Variants in SOAT1 observed in about 807,000 individuals in gnomAD.
SOAT1 encodes the protein acyl-coenzyme A:cholesterol acyltransferase 1.
Under a neutral mutation model 69.5 loss-of-function variants are expected in SOAT1, and 55 were observed. The ratio of observed to expected loss-of-function variants is 0.79; its 90% CI spans 0.64 to 0.99. The LOEUF (loss-of-function observed/expected upper bound fraction) is 0.99. Ranked by LOEUF, SOAT1 falls within the 50% of genes least tolerant of loss-of-function variation. SOAT1 has a pLI of 0.00. For synonymous variants in SOAT1, 231 were observed against 224.7 expected (o/e 1.03, Z -0.25); for missense variants, 580 against 669.3 (o/e 0.87, Z 1.47).
intron 2 of SOAT1, among the ~76,000 whole-genome samples, chr1:179,318,686 G>A (rs1389569133): frequency 6.6e-6 from 1 of 152,056 alleles, no homozygotes; most frequent in African/African-American, 2.4e-5. Context: ...TGTCTATTCT[G>A]GACATTGTCA....
chr1:179,331,566 C>T (rs999063398), intron 3 of SOAT1, among the ~76,000 whole-genome samples: 10 of 152,132 alleles, frequency 6.6e-5, no homozygotes, highest in East Asian at 5.8e-4. Flanking sequence ...TGTGAAACCC[C>T]GTCTCTACTA....
chr1:179,312,825 G>A (rs1665265255), intron 2 of SOAT1, among the ~76,000 whole-genome samples: 1 of 152,192 alleles, frequency 6.6e-6, no homozygotes, highest in African/African-American at 2.4e-5. Context: ...GATGGTAACA[G>A]CTTTCCTGAT....
At chr1:179,305,335 C>T (rs1664965751) in intron 2 of SOAT1, among the ~76,000 whole-genome samples, 1 of 152,132 alleles carries the variant, frequency 6.6e-6, no homozygotes, top group Non-Finnish European at 1.5e-5. Flanking sequence ...ATAGCACATG[C>T]AGCCTCGATC....
intron 1 of SOAT1, chr1:179,294,300 A>C (rs1484829846): frequency 6.6e-6 from 1 of 152,194 alleles, no homozygotes; most frequent in Non-Finnish European, 1.5e-5. Flanking sequence ...ATTTAGAGAA[A>C]ATGTGTGAAG....
chr1:179,297,200 T>TA (rs1431394897), intron 1 of SOAT1, among the ~76,000 whole-genome samples: 1 of 152,252 alleles, frequency 6.6e-6, no homozygotes, highest in Admixed American at 6.5e-5. Flanking sequence ...AGACTAGTCT[T>TA]ATGATCACTG....
chr1:179,348,268 A>G (rs1571457318), intron 12 of SOAT1, among the ~76,000 whole-genome samples: 1 of 152,294 alleles, frequency 6.6e-6, no homozygotes, highest in South Asian at 2.1e-4. Flanking sequence ...CTCCAAGTCT[A>G]CCACCTTTTT....
intron 2 of SOAT1, among the ~76,000 whole-genome samples, chr1:179,313,257 GC>G (rs1187554174): frequency 6.6e-6 from 1 of 152,118 alleles, no homozygotes; most frequent in Non-Finnish European, 1.5e-5. Flanking sequence ...AGACTATACT[GC>G]CCATTACGGA....
chr1:179,334,040 A>G (rs1448558097), intron 3 of SOAT1, among the ~76,000 whole-genome samples: 1 of 152,232 alleles, frequency 6.6e-6, no homozygotes, highest in African/African-American at 2.4e-5. Context: ...GACCCTGGGC[A>G]GTCTATTCTT....
At chr1:179,345,174 T>A in intron 11 of SOAT1, 98 bp downstream of exon 11, 1 of 1,163,184 alleles carries the variant, frequency 8.6e-7, no homozygotes, top group Non-Finnish European at 1.3e-6. Flanking sequence ...CTTTTTCATC[T>A]AAACTTCTAT....
chr1:179,342,986 G>A, intron 9 of SOAT1, 43 bp downstream of exon 9: 1 of 1,468,228 alleles, frequency 6.8e-7, no homozygotes, highest in Non-Finnish European at 9.5e-7. Flanking sequence ...CACCAAAAGT[G>A]TGGCATGAGT....
rs768544773 is a variant in SOAT1 at position 179,302,805 on chromosome 1, G to A, written c.118+3G>A. On this transcript the variant is annotated splice_donor_region_variant and intron_variant, in intron 2 of 15. Coordinates refer to ENST00000367619, the MANE Select transcript of SOAT1 (RefSeq NM_003101.6). ...GTCCCTAGAGACACCTAGTAATGGT[G>A]AGGCTTAATTTTTTTTTTTTAGGTG... 6 of 1,542,040 alleles carry A rather than the reference G, an allele frequency of 3.9e-6. 1 individual carries two copies. In the Admixed American group the frequency reaches 1.1e-4, roughly 28 times the overall value.
chr1:179,315,059 CA>C (rs776932919), intron 2 of SOAT1, among the ~76,000 whole-genome samples: 2 of 152,184 alleles, frequency 1.3e-5, no homozygotes, highest in Non-Finnish European at 2.9e-5. Context: ...TCCGAAATTA[CA>C]TCACCCTCAG....
At chr1:179,296,901 A>T (rs1413399395) in intron 1 of SOAT1, among the ~76,000 whole-genome samples, 1 of 152,208 alleles carries the variant, frequency 6.6e-6, no homozygotes, top group South Asian at 2.1e-4. Context: ...AAGATAAGTT[A>T]GATGCTTATC....
intron 2 of SOAT1, among the ~76,000 whole-genome samples, chr1:179,303,946 A>G (rs950223411): frequency 2.0e-5 from 3 of 152,182 alleles, no homozygotes; most frequent in Non-Finnish European, 4.4e-5. Flanking sequence ...GTCACTGTAT[A>G]TGATCATTCT....
At position 179,353,467 on chromosome 1, in the gene SOAT1, A is replaced by C. The variant is rs887642176; in HGVS notation, c.1597-118A>C. The C allele has an allele frequency of 8.1e-6, 7 of 864,592 alleles. No individual in the cohort carries two copies. In the African/African-American group the frequency reaches 8.5e-5, roughly 10 times the overall value. 53.6% of individuals were successfully genotyped at this position (864,592 alleles called of 1,614,324 possible). A position where few individuals can be genotyped will look rare whatever the true frequency, so the allele number is the denominator to read the frequency against. On this transcript the variant is annotated intron_variant, in intron 15 of 15. Coordinates refer to ENST00000367619, the MANE Select transcript of SOAT1 (RefSeq NM_003101.6). ...CTGCTTATACCTTGAGGGTTGTTGA[A>C]ATGGTGGGAGGCATTTTAGAGATGT...
In SOAT1 at chr1:179,295,863, C is replaced by A. The variant is rs565593159; in HGVS notation, c.-9+1927C>A. Among the ~76,000 whole-genome samples, 12 of 135,176 alleles carry A rather than the reference C, an allele frequency of 8.9e-5. No individual in the cohort carries two copies. In the East Asian group the frequency reaches 2.7e-3, roughly 30 times the overall value. 88.7% of individuals were successfully genotyped at this position (135,176 alleles called of 152,430 possible). A position where few individuals can be genotyped will look rare whatever the true frequency, so the allele number is the denominator to read the frequency against. On this transcript the variant is annotated intron_variant, in intron 1 of 15. Transcript: ENST00000367619. ...GCTTGTTGCCCAGGCTGGAATGGCACGATCTCGGCTCCCCGCAACCTCCGC... is the reference window on the plus strand; with the variant it reads ...GCTTGTTGCCCAGGCTGGAATGGCAAGATCTCGGCTCCCCGCAACCTCCGC...
Position 179,344,968 on chromosome 1 carries a change from G to A in SOAT1, c.1009G>A (p.Val337Met), listed in dbSNP as rs755121188. 6.2e-6 allele frequency: 10 copies of A among 1,613,896 alleles called. No homozygotes were observed. Among genetic ancestry groups the A allele is most frequent in the South Asian group, 3.3e-5 (3 of 91,072 alleles). Residue 337 changes from valine (V) to methionine (M), a missense_variant, in exon 11 of 16, where the codon GTG (valine) becomes ATG (methionine). Coordinates refer to ENST00000367619, the MANE Select transcript of SOAT1 (RefSeq NM_003101.6). ...FAQVFGCFFY[V>M]YYIFERLCAP... ...CCAGGTCTTTGGTTGCTTTTTCTAT[G>A]TGTACTACATCTTTGAAAGGCTTTG...
intron 2 of SOAT1, among the ~76,000 whole-genome samples, chr1:179,306,711 A>C (rs1408924559): frequency 6.6e-6 from 1 of 151,636 alleles, no homozygotes; most frequent in African/African-American, 2.4e-5. Flanking sequence ...GGGCACCAGT[A>C]GTCCCAGCTA....
At chr1:179,339,086 C>T (rs73048611) in intron 5 of SOAT1, among the ~76,000 whole-genome samples, 1,930 of 151,520 alleles carry the variant, frequency 0.013, 62 homozygotes, top group African/African-American at 0.044. Flanking sequence ...AATTGGTTAT[C>T]ATCATCATCA....
Sources: gnomAD v4.1 joint callset for allele counts (sites outside exome capture counted in the v4.1 genomes callset) on GRCh38, gnomAD v4.1.1 for gene constraint, MANE v1.5 for transcripts, NCBI Gene and HGNC (gene_info 2026-07-23, HGNC 2026-07-21) for gene names.